Variants in ZNF207 observed in about 807,000 individuals in gnomAD.
The protein encoded by ZNF207 is zinc finger protein 207.
Under a neutral mutation model 60.2 loss-of-function variants are expected in ZNF207, and 24 were observed. The ratio of observed to expected loss-of-function variants is 0.40; its 90% CI spans 0.29 to 0.56. The LOEUF (loss-of-function observed/expected upper bound fraction) is 0.56. Among genes scored for constraint, ZNF207 ranks in the 20% least tolerant of loss-of-function variants. The probability of loss-of-function intolerance (pLI) is 0.49; values close to 1 mark genes in which losing one functional copy is unlikely to be tolerated. For missense variants in ZNF207, 452 were observed against 636.6 expected (o/e 0.71, Z 3.12); for synonymous variants, 236 against 194.7 (o/e 1.21, Z -1.77).
chr17:32,365,609 A>G (rs1286514443), intron 8 of ZNF207, 122 bp downstream of exon 8: 3 of 889,020 alleles, frequency 3.4e-6, no homozygotes, highest in Non-Finnish European at 4.5e-6. Flanking sequence ...AATATTATTT[A>G]TTAAATATAC....
At chr17:32,350,635 C>T (rs1443855116) in intron 1 of ZNF207, among the ~76,000 whole-genome samples, 2 of 152,102 alleles carry the variant, frequency 1.3e-5, no homozygotes, top group African/African-American at 4.8e-5. Flanking sequence ...ACTATTCAGC[C>T]ACCTTCCGTT....
chr17:32,373,179 T>C lies in ZNF207; in HGVS notation c.*3420T>C. The C allele has an allele frequency of 2.4e-6, 1 of 420,354 alleles. No individual in the cohort carries two copies. Among genetic ancestry groups the C allele is most frequent in the Non-Finnish European group, 4.2e-6 (1 of 236,770 alleles). The allele number at this position is 420,354 out of a possible 1,614,324, so 26.0% of individuals were successfully genotyped here. A position where few individuals can be genotyped will look rare whatever the true frequency, so the allele number is the denominator to read the frequency against. On this transcript the variant is annotated 3_prime_UTR_variant, in exon 12 of 12. Transcript: ENST00000394670. ...ATTCCACTAAGTTACATTTTGAACT[T>C]AGACTCACCTTAATTAAACTTAATT... is the stretch of plus-strand genomic sequence containing the variant.
chr17:32,365,019 T>C (rs1198828263), intron 7 of ZNF207, among the ~76,000 whole-genome samples: 2 of 152,254 alleles, frequency 1.3e-5, no homozygotes, highest in African/African-American at 2.4e-5. Flanking sequence ...ATCTGTCTTG[T>C]AGCTGATTGA....
chr17:32,367,527 A>C (rs1435630802), intron 9 of ZNF207, among the ~76,000 whole-genome samples: 2 of 151,964 alleles, frequency 1.3e-5, no homozygotes, highest in Non-Finnish European at 2.9e-5. Context: ...GAAGACATCT[A>C]ACAAGTTAAA....
intron 2 of ZNF207, among the ~76,000 whole-genome samples, chr17:32,357,181 TAAAA>T (rs78618463): frequency 7.1e-6 from 1 of 141,632 alleles, no homozygotes; most frequent in East Asian, 2.1e-4. Context: ...GACCCTGTCT[TAAAA>T]AAAAAAAAAA....
rs1373810846 is a variant in ZNF207 at position 32,376,745 on chromosome 17, GTT to G, written c.*6988_*6989del. ...GAGGCATACAATCCGTTATGAGAAT[GTT>G]TATGTTTATGTTTTAATTTTTATCA... is the stretch of plus-strand genomic sequence containing the variant. On this transcript the variant is annotated 3_prime_UTR_variant, in exon 12 of 12. Transcript: ENST00000394670. 6.6e-6 allele frequency: 1 copy of G among 152,028 alleles called. No individual in the cohort carries two copies. Among genetic ancestry groups the G allele is most frequent in the African/African-American group, 2.4e-5 (1 of 41,424 alleles). 9.4% of individuals were successfully genotyped at this position (152,028 alleles called of 1,614,324 possible). A position where few individuals can be genotyped will look rare whatever the true frequency, so the allele number is the denominator to read the frequency against.
chr17:32,351,781 A>C lies in ZNF207; in HGVS notation c.42-5A>C, dbSNP rs746971074. The C allele has an allele frequency of 3.7e-5, 59 of 1,609,240 alleles. No homozygotes were observed. The highest frequency in any genetic ancestry group is 2.4e-4 in the Admixed American group (14 of 59,492). On this transcript the variant is annotated splice_polypyrimidine_tract_variant and splice_region_variant and intron_variant, in intron 1 of 11. Transcript: ENST00000394670. Reference sequence around the variant, plus strand: ...CTGTCTTTGTGCCTTAACAGTATTGATCAGGTATTGTAATAGAGATTTTGA... The same window carrying C: ...CTGTCTTTGTGCCTTAACAGTATTGCTCAGGTATTGTAATAGAGATTTTGA...
In ZNF207 at chr17:32,377,217, TAGTG is replaced by T. The variant is rs1353008312; in HGVS notation, c.*7461_*7464del. ...ATTCTTGCTCATGATTTGCATTTGT[TAGTG>T]AGGTCTCACCATAGTATTTTAATGT... is the stretch of plus-strand genomic sequence containing the variant. On this transcript the variant is annotated 3_prime_UTR_variant, in exon 12 of 12. Coordinates refer to ENST00000394670, the MANE Select transcript of ZNF207 (RefSeq NM_001098507.2). 4 of 152,078 alleles carry T rather than the reference TAGTG, an allele frequency of 2.6e-5. No individual in the cohort carries two copies. The highest frequency in any genetic ancestry group is 6.5e-5 in the Admixed American group (1 of 15,270). 9.4% of individuals were successfully genotyped at this position (152,078 alleles called of 1,614,324 possible). A position where few individuals can be genotyped will look rare whatever the true frequency, so the allele number is the denominator to read the frequency against.
intron 6 of ZNF207, among the ~76,000 whole-genome samples, chr17:32,362,186 T>C (rs1217646158): frequency 4.6e-5 from 7 of 151,522 alleles, no homozygotes; most frequent in Non-Finnish European, 1.0e-4. Flanking sequence ...CAGGGTCTCT[T>C]ACTCTGTCGC....
At chr17:32,353,828 A>G (rs939661433) in intron 2 of ZNF207, among the ~76,000 whole-genome samples, 1 of 150,824 alleles carries the variant, frequency 6.6e-6, no homozygotes, top group South Asian at 2.1e-4. Context: ...AAAAAAAAAA[A>G]AAAAAAAATT....
At position 32,366,728 on chromosome 17, in the gene ZNF207, T is replaced by C. The variant is rs944245851; in HGVS notation, c.892T>C (p.Ser298Pro). 2 of 1,611,216 alleles carry C rather than the reference T, an allele frequency of 1.2e-6. No individual in the cohort carries two copies. The highest frequency in any genetic ancestry group is 2.7e-5 in the African/African-American group (2 of 74,706). Reference sequence around the variant, plus strand: ...CAATTCAGAAAGTCTGTCTGCATCTTCTAAAGCTCTGTTTCCTAGCACAGC... The same window carrying C: ...CAATTCAGAAAGTCTGTCTGCATCTCCTAAAGCTCTGTTTCCTAGCACAGC... Reference protein sequence around the residue: ...SSNSESLSASSKALFPSTAQA... With the variant: ...SSNSESLSASPKALFPSTAQA... The change falls in exon 9 of 12, where the codon TCT (serine) becomes CCT (proline). Residue 298 changes from serine (S) to proline (P), a missense_variant. Ser to Pro is a moderately conservative substitution (Grantham distance 74, BLOSUM62 -1). This residue lies in a region of ZNF207 where 390 missense variants were observed against 461.4 expected (regional missense o/e 0.85). Coordinates refer to ENST00000394670, the MANE Select transcript of ZNF207 (RefSeq NM_001098507.2).
intron 2 of ZNF207, among the ~76,000 whole-genome samples, chr17:32,356,250 C>G (rs1477412338): frequency 6.6e-6 from 1 of 152,094 alleles, no homozygotes; most frequent in Non-Finnish European, 1.5e-5. Flanking sequence ...TCTGGCTGTA[C>G]CATAATAGAT....
At chr17:32,355,072 A>G (rs570852409) in intron 2 of ZNF207, among the ~76,000 whole-genome samples, 8 of 152,232 alleles carry the variant, frequency 5.3e-5, no homozygotes, top group African/African-American at 1.7e-4. Context: ...AGAAAAAGTG[A>G]GGAGTTAAGG....
chr17:32,366,737 C>CT lies in ZNF207; in HGVS notation c.902dup (p.Phe302ValfsTer3). 1 of 1,610,684 alleles carries CT rather than the reference C, an allele frequency of 6.2e-7. No individual in the cohort carries two copies. The highest frequency in any genetic ancestry group is 8.5e-7 in the Non-Finnish European group (1 of 1,178,832). On this transcript the variant is annotated frameshift_variant, in exon 9 of 12. Coordinates refer to ENST00000394670, the MANE Select transcript of ZNF207 (RefSeq NM_001098507.2). LOFTEE classifies it high-confidence loss of function. Reference sequence around the variant, plus strand: ...AAGTCTGTCTGCATCTTCTAAAGCTCTGTTTCCTAGCACAGCACAAGTACG... The same window carrying CT: ...AAGTCTGTCTGCATCTTCTAAAGCTCTTGTTTCCTAGCACAGCACAAGTACG...
chr17:32,367,239 TTATATATATATATATATATATA>T (rs10525886), intron 9 of ZNF207, among the ~76,000 whole-genome samples: 122 of 32,192 alleles, frequency 3.8e-3, no homozygotes, highest in East Asian at 0.019. Context: ...TTGGAGGGGA[TTATATATATATATATATATATA>T]TATATATATA....
chr17:32,371,858 T>G lies in ZNF207; in HGVS notation c.*2099T>G, dbSNP rs1597797631. The G allele has an allele frequency of 6.6e-6, 1 of 152,370 alleles. No homozygotes were observed. Among genetic ancestry groups the G allele is most frequent in the South Asian group, 2.1e-4 (1 of 4,828 alleles). 9.4% of individuals were successfully genotyped at this position (152,370 alleles called of 1,614,324 possible). On this transcript the variant is annotated 3_prime_UTR_variant, in exon 12 of 12. Transcript: ENST00000394670. ...AGGTATTTTGCCAGTAATGTATTTC[T>G]TTCTGCCAGCAGCCAAGTCCCAAAC...
chr17:32,366,259 A>AAT (rs1281364049), intron 8 of ZNF207, among the ~76,000 whole-genome samples: 1 of 152,170 alleles, frequency 6.6e-6, no homozygotes, highest in African/African-American at 2.4e-5. Context: ...TAAGCACATT[A>AAT]ACCTAGCTTT....
chr17:32,350,297 G>A lies in ZNF207; in HGVS notation c.12G>A (p.Lys4=), dbSNP rs758537619. 2 of 1,613,780 alleles carry A rather than the reference G, an allele frequency of 1.2e-6. No homozygotes were observed. The highest frequency in any genetic ancestry group is 1.3e-5 in the African/African-American group (1 of 74,926). The change falls in exon 1 of 12, where the codon AAG becomes AAA. Residue 4 remains lysine (K), a synonymous_variant. Transcript: ENST00000394670. The part of the protein sequence containing the change: MGR[K]KKKQLKPWCW... ...GGTAGAACACAGTTATGGGTCGCAA[G>A]AAGAAGAAGCAGCTGAAGCCGTGGT...
intron 8 of ZNF207, 90 bp from the exon 9 acceptor site, chr17:32,366,569 TTACAAA>T (rs1213026286): frequency 3.2e-6 from 3 of 925,008 alleles, no homozygotes; most frequent in Non-Finnish European, 3.0e-6. Flanking sequence ...AATTTTGCAT[TTACAAA>T]TATGCAATCT....
Sources: gnomAD v4.1 joint callset for allele counts (sites outside exome capture counted in the v4.1 genomes callset) on GRCh38, gnomAD v4.1.1 for gene constraint, gnomAD v4.1.1 regional missense constraint, MANE v1.5 for transcripts, NCBI Gene and HGNC (gene_info 2026-07-23, HGNC 2026-07-21) for gene names.